Variants in ACOXL observed in about 807,000 individuals in gnomAD.
ACOXL encodes acyl-coenzyme A oxidase-like protein.
ACOXL carries 70 observed loss-of-function variants against 71.9 expected under a neutral mutation model. That is an observed-to-expected ratio of 0.97 (90% CI 0.80 to 1.19). ACOXL has a LOEUF of 1.19. Ranked by LOEUF, ACOXL falls within the 50% of genes most tolerant of loss-of-function variation. ACOXL has a pLI of 0.00. For synonymous variants in ACOXL, 253 were observed against 281.6 expected, an observed-to-expected ratio of 0.90 and a Z score of 1.02; for missense variants, 703 against 736.3, an observed-to-expected ratio of 0.95 and a Z score of 0.52.
In ACOXL at chr2:111,060,352, C is replaced by T. The variant is rs966225003; in HGVS notation, c.1440+11064C>T. Among the ~76,000 whole-genome samples the T allele has an allele frequency of 7.2e-5, 11 of 152,184 alleles. No homozygotes were observed. In the South Asian group the frequency reaches 8.3e-4, roughly 11 times the overall value. The stretch of plus-strand genomic sequence containing the variant: ...TAATGAGGCCACCCCCTGGTAGCGT[C>T]AGTGGAGACCATCTGGGGAGCAGAA... On this transcript the variant is annotated intron_variant, in intron 16 of 17. Coordinates refer to ENST00000439055, the MANE Select transcript of ACOXL (RefSeq NM_001142807.4).
chr2:110,890,418 C>T (rs1316746880), intron 10 of ACOXL, among the ~76,000 whole-genome samples: 1 of 152,124 alleles, frequency 6.6e-6, no homozygotes, highest in Non-Finnish European at 1.5e-5. Flanking sequence ...TGCTGCTATG[C>T]TATCTTCTAA....
chr2:111,078,073 T>C (rs1434613288), intron 16 of ACOXL, among the ~76,000 whole-genome samples: 3 of 152,140 alleles, frequency 2.0e-5, no homozygotes, highest in Non-Finnish European at 2.9e-5. Flanking sequence ...CACAGGTCCC[T>C]GGGGCTCTCT....
intron 12 of ACOXL, among the ~76,000 whole-genome samples, chr2:110,950,810 G>GGA (rs71383892): frequency 0.26 from 37,120 of 142,752 alleles, 4,812 homozygotes; most frequent in Middle Eastern, 0.32. Context: ...GGTGGGGGGT[G>GGA]GAGAGAGAGA....
At chr2:110,991,775 G>C (rs1305007402) in intron 13 of ACOXL, among the ~76,000 whole-genome samples, 1 of 151,960 alleles carries the variant, frequency 6.6e-6, no homozygotes, top group Non-Finnish European at 1.5e-5. Context: ...CTACATGTTA[G>C]GACTGTTTCA....
intron 12 of ACOXL, among the ~76,000 whole-genome samples, chr2:110,956,093 G>C (rs145641663): frequency 6.6e-6 from 1 of 151,916 alleles, no homozygotes; most frequent in Non-Finnish European, 1.5e-5. Context: ...GTGCTACTAC[G>C]TCCGGCTAAT....
intron 17 of ACOXL, among the ~76,000 whole-genome samples, chr2:111,116,449 C>G (rs2070359485): frequency 6.6e-6 from 1 of 152,122 alleles, no homozygotes; most frequent in South Asian, 2.1e-4. Flanking sequence ...TATTCCCCAT[C>G]CCCTATTTCC....
chr2:110,810,306 A>G lies in ACOXL; in HGVS notation c.753+4911A>G, dbSNP rs111676481. Among the ~76,000 whole-genome samples the G allele has an allele frequency of 3.7e-4, 57 of 152,212 alleles. 1 individual carries two copies. The highest frequency in any genetic ancestry group is 1.3e-3 in the African/African-American group (53 of 41,532). On this transcript the variant is annotated intron_variant, in intron 9 of 17. Transcript: ENST00000439055. ...TCTATTCTTGTCACAGATTGATCTC[A>G]TTTTGTATCATTACTAACACAATCT...
At chr2:110,916,211 T>A (rs2059854845) in intron 11 of ACOXL, among the ~76,000 whole-genome samples, 3 of 151,882 alleles carry the variant, frequency 2.0e-5, no homozygotes, top group Non-Finnish European at 4.4e-5. Flanking sequence ...TTCTTTTATT[T>A]GTAAAAGAAA....
intron 10 of ACOXL, among the ~76,000 whole-genome samples, chr2:110,858,410 C>G (rs17465210): frequency 0.29 from 43,514 of 151,968 alleles, 6,634 homozygotes; most frequent in Non-Finnish European, 0.33. Context: ...TCCCTTCTCA[C>G]GCTGATGAGG....
chr2:111,094,459 AG>A (rs1213541121), intron 17 of ACOXL: 1 of 152,338 alleles, frequency 6.6e-6, no homozygotes, highest in African/African-American at 2.4e-5. Flanking sequence ...TCCAAGGTCA[AG>A]GGGCCCACGT....
intron 14 of ACOXL, among the ~76,000 whole-genome samples, chr2:111,020,602 T>C (rs554946963): frequency 5.1e-4 from 77 of 152,314 alleles, no homozygotes; most frequent in African/African-American, 1.8e-3. Flanking sequence ...TGCATATGTG[T>C]GTGTATCTTT....
At chr2:111,109,671 A>AT (rs869081161) in intron 17 of ACOXL, among the ~76,000 whole-genome samples, 3,840 of 75,494 alleles carry the variant, frequency 0.051, 723 homozygotes, top group African/African-American at 0.11. Flanking sequence ...TTCTCCTTCT[A>AT]TTTTTTTTTT....
In ACOXL at chr2:111,064,163, A is replaced by G. The variant is rs184897275; in HGVS notation, c.1440+14875A>G. 5.1e-3 allele frequency among the ~76,000 whole-genome samples: 779 copies of G among 152,296 alleles called. 9 individuals carry two copies. The highest frequency in any genetic ancestry group is 0.018 in the African/African-American group (743 of 41,566). ...TATAAAACTATGTAGTAGGCGGGGC[A>G]CAGTGGCTCACGCCTGTAATCCCAG... On this transcript the variant is annotated intron_variant, in intron 16 of 17. Transcript: ENST00000439055.
chr2:111,075,175 A>T (rs781207489), intron 16 of ACOXL, among the ~76,000 whole-genome samples: 1 of 152,078 alleles, frequency 6.6e-6, no homozygotes, highest in African/African-American at 2.4e-5. Context: ...GTTATTTTTT[A>T]TGTAAATATT....
chr2:110,972,621 T>C (rs538706516), intron 12 of ACOXL, among the ~76,000 whole-genome samples: 1 of 142,022 alleles, frequency 7.0e-6, no homozygotes, highest in Admixed American at 7.4e-5. Flanking sequence ...TCTGTCTCTC[T>C]CACACGCACA....
intron 16 of ACOXL, among the ~76,000 whole-genome samples, chr2:111,081,231 C>G (rs1424021053): frequency 2.6e-5 from 4 of 152,148 alleles, no homozygotes; most frequent in African/African-American, 9.7e-5. Context: ...AAGTCAAATT[C>G]TCTCTGTTTG....
chr2:110,804,262 C>T (rs549476767), intron 8 of ACOXL, among the ~76,000 whole-genome samples: 2 of 152,222 alleles, frequency 1.3e-5, no homozygotes, highest in East Asian at 1.9e-4. Context: ...GCTAGGATTA[C>T]AGGCATAAGT....
intron 12 of ACOXL, among the ~76,000 whole-genome samples, chr2:110,950,751 A>G (rs935695767): frequency 2.0e-5 from 3 of 151,816 alleles, no homozygotes; most frequent in African/African-American, 7.3e-5. Context: ...AAAGAGATCA[A>G]TTATAAACTT....
Position 111,118,139 on chromosome 2 carries a change from A to G in ACOXL, c.*323A>G, listed in dbSNP as rs1367007333. 1.5e-5 allele frequency: 7 copies of G among 459,378 alleles called. No homozygotes were observed. The highest frequency in any genetic ancestry group is 2.7e-5 in the Non-Finnish European group (7 of 256,422). 28.5% of individuals were successfully genotyped at this position (459,378 alleles called of 1,614,324 possible). On this transcript the variant is annotated 3_prime_UTR_variant, in exon 18 of 18. Coordinates refer to ENST00000439055, the MANE Select transcript of ACOXL (RefSeq NM_001142807.4). The stretch of plus-strand genomic sequence containing the variant: ...GCTCCCCGCTGCGAGCGCGCCCCAC[A>G]GCCGGGTGCCGCCAAAGGTCTCCTG...
Sources: gnomAD v4.1 joint callset for allele counts (sites outside exome capture counted in the v4.1 genomes callset) on GRCh38, gnomAD v4.1.1 for gene constraint, MANE v1.5 for transcripts, NCBI Gene and HGNC (gene_info 2026-07-23, HGNC 2026-07-21) for gene names.